Variants in NLK observed in about 807,000 individuals in gnomAD.
NLK encodes the protein nemo like kinase.
In NLK, 11 loss-of-function variants were observed where a neutral mutation model predicts 59.0. The ratio of observed to expected loss-of-function variants is 0.19; its 90% CI spans 0.12 to 0.31. NLK has a LOEUF of 0.31. Ranked by LOEUF, NLK falls within the 10% of genes least tolerant of loss-of-function variation. The probability of loss-of-function intolerance (pLI) is 1.00; values close to 1 mark genes in which losing one functional copy is unlikely to be tolerated. For synonymous variants in NLK, 235 were observed against 235.9 expected, an observed-to-expected ratio of 1.00 and a Z score of 0.03; for missense variants, 410 against 661.1, an observed-to-expected ratio of 0.62 and a Z score of 4.16.
chr17:28,060,162 A>G (rs1465871652), intron 1 of NLK, among the ~76,000 whole-genome samples: 3 of 152,224 alleles, frequency 2.0e-5, no homozygotes, highest in African/African-American at 2.4e-5. Flanking sequence ...TATATTCATT[A>G]TATACAAAAA....
chr17:28,072,333 T>C (rs1263771498), intron 1 of NLK, among the ~76,000 whole-genome samples: 3 of 151,064 alleles, frequency 2.0e-5, no homozygotes, highest in East Asian at 1.9e-4. Context: ...TTTTCTTTTT[T>C]TTTTTTTTTT....
chr17:28,172,631 G>C lies in NLK; in HGVS notation c.1149+13G>C. On this transcript the variant is annotated intron_variant, in intron 7 of 10. Coordinates refer to ENST00000407008, the MANE Select transcript of NLK (RefSeq NM_016231.5). ...TCCTCATAAACAGGTGAGAGGAGGG[G>C]GGAATCTTTTTCTGGTAACCATCTG... 6.9e-7 allele frequency: 1 copy of C among 1,453,948 alleles called. No individual in the cohort carries two copies. 90.1% of individuals were successfully genotyped at this position (1,453,948 alleles called of 1,614,324 possible).
chr17:28,144,574 C>A (rs747828504), intron 3 of NLK, among the ~76,000 whole-genome samples: 9 of 152,140 alleles, frequency 5.9e-5, no homozygotes, highest in Admixed American at 2.0e-4. Flanking sequence ...TTCTGAAAAG[C>A]CTCATAACCT....
chr17:28,047,419 C>T (rs778675291), intron 1 of NLK, among the ~76,000 whole-genome samples: 4 of 152,188 alleles, frequency 2.6e-5, no homozygotes, highest in Non-Finnish European at 4.4e-5. Context: ...ATACTCTGTG[C>T]TGTCCTGTCA....
chr17:28,043,051 G>GCTGTACACC lies in NLK; in HGVS notation c.186_194dup (p.His62_Val64dup). On this transcript the variant is annotated inframe_insertion, in exon 1 of 11. Transcript: ENST00000407008. ...CCATCTTCATCCGGGGTCGGCTGCCGCTGTACACCCTGTACAGCAGCACAC... is the reference window on the plus strand; with the variant it reads ...CCATCTTCATCCGGGGTCGGCTGCCGCTGTACACCCTGTACACCCTGTACAGCAGCACAC... The GCTGTACACC allele has an allele frequency of 6.4e-7, 1 of 1,560,786 alleles. No individual in the cohort carries two copies. Among genetic ancestry groups the GCTGTACACC allele is most frequent in the Non-Finnish European group, 8.7e-7 (1 of 1,151,776 alleles).
chr17:28,139,774 C>G (rs193298702), intron 3 of NLK, among the ~76,000 whole-genome samples: 1 of 152,156 alleles, frequency 6.6e-6, no homozygotes, highest in East Asian at 1.9e-4. Flanking sequence ...TGATTTGAAC[C>G]CATATTGTAT....
intron 1 of NLK, among the ~76,000 whole-genome samples, chr17:28,092,339 A>G (rs1170230524): frequency 1.3e-5 from 2 of 152,224 alleles, no homozygotes; most frequent in African/African-American, 4.8e-5. Flanking sequence ...AAGAATTTAC[A>G]TTGAAATGTA....
At chr17:28,073,882 A>T (rs2142759252) in intron 1 of NLK, among the ~76,000 whole-genome samples, 1 of 152,302 alleles carries the variant, frequency 6.6e-6, no homozygotes, top group South Asian at 2.1e-4. Context: ...TAGAGACTGA[A>T]TTCTATTTAT....
intron 3 of NLK, among the ~76,000 whole-genome samples, chr17:28,160,578 G>A (rs559041847): frequency 3.3e-5 from 5 of 152,106 alleles, no homozygotes; most frequent in Non-Finnish European, 7.4e-5. Context: ...AAGCTCGCTC[G>A]AAATCTAGTG....
intron 6 of NLK, among the ~76,000 whole-genome samples, chr17:28,172,307 C>T (rs1240330341): frequency 1.3e-5 from 2 of 149,834 alleles, no homozygotes; most frequent in Non-Finnish European, 3.0e-5. Flanking sequence ...TTTTAAATTC[C>T]TTTACATGAG....
intron 1 of NLK, among the ~76,000 whole-genome samples, chr17:28,073,312 A>G (rs1910068317): frequency 1.3e-5 from 2 of 152,208 alleles, no homozygotes; most frequent in Admixed American, 6.5e-5. Context: ...TTGTAAAGGT[A>G]TAGTTAATCC....
intron 7 of NLK, among the ~76,000 whole-genome samples, chr17:28,181,688 C>T (rs1908911754): frequency 6.6e-6 from 1 of 151,940 alleles, no homozygotes; most frequent in Non-Finnish European, 1.5e-5. Flanking sequence ...ATATATGTAA[C>T]TTTTTTATCC....
chr17:28,070,172 G>A (rs1386553825), intron 1 of NLK, among the ~76,000 whole-genome samples: 2 of 151,590 alleles, frequency 1.3e-5, no homozygotes, highest in African/African-American at 4.8e-5. Flanking sequence ...GGAGGCGGAG[G>A]TTGCAGTGAG....
chr17:28,088,124 G>A (rs1022853799), intron 1 of NLK, among the ~76,000 whole-genome samples: 1 of 152,038 alleles, frequency 6.6e-6, no homozygotes, highest in African/African-American at 2.4e-5. Context: ...ATGTTATTCT[G>A]CTCTCTTTTC....
chr17:28,205,976 A>C, the NLK span, among the ~76,000 whole-genome samples: 1 of 152,304 alleles, frequency 6.6e-6, no homozygotes, highest in South Asian at 2.1e-4. Context: ...TGGATATGTT[A>C]ATTTGCCTGA....
At chr17:28,079,771 G>T (rs1233819133) in intron 1 of NLK, among the ~76,000 whole-genome samples, 1 of 152,064 alleles carries the variant, frequency 6.6e-6, no homozygotes, top group Non-Finnish European at 1.5e-5. Context: ...CCATTCTATA[G>T]GTTGCCTTAT....
intron 5 of NLK, among the ~76,000 whole-genome samples, chr17:28,165,843 T>C (rs1360479534): frequency 6.6e-6 from 1 of 152,086 alleles, no homozygotes; most frequent in Admixed American, 6.5e-5. Flanking sequence ...AGAAAAAAAT[T>C]ATGTTCTTTC....
At chr17:28,046,643 G>T (rs764397926) in intron 1 of NLK, among the ~76,000 whole-genome samples, 14 of 152,134 alleles carry the variant, frequency 9.2e-5, no homozygotes, top group Non-Finnish European at 1.9e-4. Context: ...ATTTGCCAGA[G>T]GAAAATGCTG....
In NLK at chr17:28,192,154, A is replaced by G; in HGVS notation, c.1470A>G (p.Lys490=). 1 of 1,609,850 alleles carries G rather than the reference A, an allele frequency of 6.2e-7. No individual in the cohort carries two copies. Among genetic ancestry groups the G allele is most frequent in the Non-Finnish European group, 8.5e-7 (1 of 1,177,280 alleles). The change falls in exon 10 of 11, where the codon AAA becomes AAG. Residue 490 remains lysine (K), a synonymous_variant. Coordinates refer to ENST00000407008, the MANE Select transcript of NLK (RefSeq NM_016231.5). ...ATCAGTTCATTTTGGAACAGCAGAA[A>G]GGAAACAGAGTGCCTCTCTGCATCA... ...IIHQFILEQQ[K]GNRVPLCINP... is the part of the protein sequence containing the mutation.
Sources: allele counts gnomAD v4.1 joint callset (sites outside exome capture counted in the v4.1 genomes callset), GRCh38; gene constraint gnomAD v4.1.1; transcripts MANE v1.5; gene names NCBI Gene and HGNC (gene_info 2026-07-23, HGNC 2026-07-21).